CDK14: variants seen among roughly 807,000 people sequenced by gnomAD.
CDK14 encodes cyclin dependent kinase 14.
CDK14 carries 34 observed loss-of-function variants against 60.7 expected under a neutral mutation model. That is an observed-to-expected ratio of 0.56 (90% CI 0.43 to 0.75). The LOEUF (loss-of-function observed/expected upper bound fraction) is 0.75, where lower values mean the gene tolerates loss of function less well. CDK14 is among the 30% of genes least tolerant of loss of function. The pLI is 0.00. For missense variants in CDK14, 482 were observed against 564.1 expected, an observed-to-expected ratio of 0.85 and a Z score of 1.47; for synonymous variants, 197 against 203.7, an observed-to-expected ratio of 0.97 and a Z score of 0.28.
At chr7:90,819,752 T>C (rs1789477016) in intron 5 of CDK14, among the ~76,000 whole-genome samples, 1 of 152,194 alleles carries the variant, frequency 6.6e-6, no homozygotes, top group Non-Finnish European at 1.5e-5. Context: ...AACATTTCCT[T>C]TTCTCTGGAT....
intron 2 of CDK14, among the ~76,000 whole-genome samples, chr7:90,641,627 A>G (rs1263742187): frequency 4.1e-5 from 6 of 147,846 alleles, no homozygotes; most frequent in Admixed American, 3.4e-4. Context: ...AGGTGGAAGT[A>G]GTGGTGGGGA....
At chr7:90,661,126 G>C (rs752616339) in intron 2 of CDK14, among the ~76,000 whole-genome samples, 6 of 152,198 alleles carry the variant, frequency 3.9e-5, no homozygotes, top group Non-Finnish European at 8.8e-5. Context: ...AAATGTTAAG[G>C]CACTGGTGAA....
intron 10 of CDK14, among the ~76,000 whole-genome samples, chr7:91,024,087 A>G (rs1034914775): frequency 6.6e-6 from 1 of 151,138 alleles, no homozygotes; most frequent in African/African-American, 2.4e-5. Flanking sequence ...AGCGTATCTT[A>G]AAGAAGCTAA....
intron 5 of CDK14, among the ~76,000 whole-genome samples, chr7:90,812,260 A>G (rs1047575486): frequency 6.6e-6 from 1 of 152,272 alleles, no homozygotes; most frequent in Non-Finnish European, 1.5e-5. Flanking sequence ...AATGTGGCAC[A>G]TATACACCAT....
intron 4 of CDK14, among the ~76,000 whole-genome samples, chr7:90,777,837 A>G (rs557299844): frequency 3.3e-5 from 5 of 152,184 alleles, no homozygotes; most frequent in African/African-American, 7.2e-5. Context: ...ATCATCCACT[A>G]TGCCTCAGAC....
chr7:91,179,781 C>T (rs571018333), intron 14 of CDK14, among the ~76,000 whole-genome samples: 10 of 151,336 alleles, frequency 6.6e-5, no homozygotes, highest in South Asian at 2.1e-4. Context: ...CCAGCCTGGG[C>T]GACAGAGCGA....
At chr7:90,786,831 A>G (rs757950635) in intron 4 of CDK14, among the ~76,000 whole-genome samples, 1 of 150,710 alleles carries the variant, frequency 6.6e-6, no homozygotes, top group Non-Finnish European at 1.5e-5. Context: ...AGGTAGGAGA[A>G]TCTCTTGAGC....
intron 2 of CDK14, among the ~76,000 whole-genome samples, chr7:90,657,336 T>A (rs1180293890): frequency 6.6e-6 from 1 of 152,236 alleles, no homozygotes; most frequent in East Asian, 1.9e-4. Context: ...CAGTGGACAT[T>A]CATCAACTTA....
intron 5 of CDK14, among the ~76,000 whole-genome samples, chr7:90,857,951 T>G (rs966531799): frequency 6.6e-6 from 1 of 152,204 alleles, no homozygotes; most frequent in African/African-American, 2.4e-5. Context: ...AGCTTTGAAA[T>G]TAGTGGCTCT....
At chr7:90,988,076 A>C (rs2115670209) in intron 10 of CDK14, among the ~76,000 whole-genome samples, 1 of 152,296 alleles carries the variant, frequency 6.6e-6, no homozygotes, top group East Asian at 1.9e-4. Context: ...CTGAGTCTTT[A>C]TAAAATATGT....
chr7:90,770,473 T>C (rs1804740883), intron 4 of CDK14, among the ~76,000 whole-genome samples: 1 of 152,218 alleles, frequency 6.6e-6, no homozygotes, highest in Non-Finnish European at 1.5e-5. Flanking sequence ...TTGTTGATTG[T>C]TAGCTTTTAC....
chr7:91,182,000 A>G (rs1363583281), intron 14 of CDK14, among the ~76,000 whole-genome samples: 1 of 152,154 alleles, frequency 6.6e-6, no homozygotes, highest in Non-Finnish European at 1.5e-5. Flanking sequence ...GTTTCTTTTT[A>G]AGATGAAACA....
intron 6 of CDK14, among the ~76,000 whole-genome samples, chr7:90,871,384 T>C (rs779969585): frequency 1.3e-5 from 2 of 152,040 alleles, no homozygotes; most frequent in East Asian, 3.9e-4. Context: ...ATTTCTTTGG[T>C]GTATGGGAGT....
chr7:90,869,357 G>C (rs1791293376), intron 6 of CDK14, among the ~76,000 whole-genome samples: 1 of 152,148 alleles, frequency 6.6e-6, no homozygotes, highest in African/African-American at 2.4e-5. Context: ...AGCATTCTAG[G>C]CAGAAAGCTT....
chr7:90,887,258 T>A (rs1791974674), intron 6 of CDK14, among the ~76,000 whole-genome samples: 1 of 152,178 alleles, frequency 6.6e-6, no homozygotes, highest in African/African-American at 2.4e-5. Flanking sequence ...GTTGGTGTGA[T>A]CCTTTTCTCG....
rs143278417 is a variant in CDK14 at position 90,777,146 on chromosome 7, C to T, written c.465-13427C>T. On this transcript the variant is annotated intron_variant, in intron 4 of 14. Transcript: ENST00000380050. ...ATTTTAAAAATGTTGCTAAATGTTC[C>T]CAGTTATGTTCTGGTAGATAAGAGG... is the stretch of plus-strand genomic sequence containing the variant. 2.3e-3 allele frequency among the ~76,000 whole-genome samples: 346 copies of T among 152,130 alleles called. 2 individuals are homozygous for T. The highest frequency in any genetic ancestry group is 3.8e-3 in the Non-Finnish European group (260 of 68,008).
chr7:90,910,259 A>G (rs1466795428), intron 7 of CDK14, among the ~76,000 whole-genome samples: 1 of 152,240 alleles, frequency 6.6e-6, no homozygotes, highest in Non-Finnish European at 1.5e-5. Context: ...ATTTGGGTGT[A>G]CATTGCATTA....
At chr7:91,022,677 A>T (rs2115882147) in intron 10 of CDK14, among the ~76,000 whole-genome samples, 1 of 152,358 alleles carries the variant, frequency 6.6e-6, no homozygotes, top group Admixed American at 6.5e-5. Flanking sequence ...ATTTCATGTA[A>T]ATGCAGTTAT....
intron 10 of CDK14, among the ~76,000 whole-genome samples, chr7:91,011,725 G>A (rs1796163476): frequency 1.3e-5 from 2 of 151,934 alleles, no homozygotes; most frequent in African/African-American, 2.4e-5. Flanking sequence ...AATATCTAAT[G>A]TATCATTAAT....
Sources: allele counts gnomAD v4.1 joint callset (sites outside exome capture counted in the v4.1 genomes callset), GRCh38; gene constraint gnomAD v4.1.1; transcripts MANE v1.5; gene names NCBI Gene and HGNC (gene_info 2026-07-23, HGNC 2026-07-21).